The following TMEM108 variants were observed in gnomAD, a reference collection of about 807,000 sequenced individuals.
TMEM108 encodes cancer/testis antigen 124.
A neutral mutation model predicts 35.1 loss-of-function variants in TMEM108; 12 were observed. The ratio of observed to expected loss-of-function variants is 0.34; its 90% CI spans 0.22 to 0.55. TMEM108 has a LOEUF of 0.55. Among genes scored for constraint, TMEM108 ranks in the 20% least tolerant of loss-of-function variants. The pLI, the probability that TMEM108 is intolerant of heterozygous loss-of-function variation, is 0.89. For missense variants in TMEM108, 680 were observed against 753.3 expected (o/e 0.90, Z 1.14); for synonymous variants, 287 against 308.6 (o/e 0.93, Z 0.73).
At chr3:133,120,367 G>A (rs1252906129) in intron 2 of TMEM108, among the ~76,000 whole-genome samples, 1 of 152,186 alleles carries the variant, frequency 6.6e-6, no homozygotes, top group Non-Finnish European at 1.5e-5. Context: ...CAGACCTAGA[G>A]GTCAGAGGAA....
intron 3 of TMEM108, among the ~76,000 whole-genome samples, chr3:133,350,952 G>A (rs2071978832): frequency 6.6e-6 from 1 of 152,114 alleles, no homozygotes; most frequent in East Asian, 1.9e-4. Context: ...TGACATCCAG[G>A]ATTCCCTAAG....
intron 2 of TMEM108, among the ~76,000 whole-genome samples, chr3:133,111,305 G>C (rs1944221299): frequency 6.6e-6 from 1 of 152,118 alleles, no homozygotes; most frequent in Non-Finnish European, 1.5e-5. Flanking sequence ...TATTTGCCCA[G>C]GAAGTAAATG....
At chr3:133,098,652 A>G (rs752462770) in intron 2 of TMEM108, among the ~76,000 whole-genome samples, 8 of 152,220 alleles carry the variant, frequency 5.3e-5, no homozygotes, top group Non-Finnish European at 1.2e-4. Flanking sequence ...TTGGGTAAAT[A>G]TAGCCATTCC....
At chr3:133,118,181 A>C in intron 2 of TMEM108, among the ~76,000 whole-genome samples, 1 of 152,206 alleles carries the variant, frequency 6.6e-6, no homozygotes, top group East Asian at 1.9e-4. Context: ...GGACTGGCAG[A>C]GTACTTACTG....
At chr3:133,041,402 C>G (rs1943274755) in intron 1 of TMEM108, among the ~76,000 whole-genome samples, 2 of 152,222 alleles carry the variant, frequency 1.3e-5, no homozygotes, top group African/African-American at 4.8e-5. Flanking sequence ...GTTGTACCCT[C>G]CTTACCAGTA....
chr3:133,301,540 C>G (rs1437536773), intron 3 of TMEM108, among the ~76,000 whole-genome samples: 1 of 152,054 alleles, frequency 6.6e-6, no homozygotes, highest in East Asian at 1.9e-4. Flanking sequence ...ATTTGCAGAG[C>G]CTTTTGTGTT....
At chr3:133,205,126 C>T (rs1451562593) in intron 2 of TMEM108, among the ~76,000 whole-genome samples, 1 of 108,702 alleles carries the variant, frequency 9.2e-6, no homozygotes, top group Non-Finnish European at 1.8e-5. Flanking sequence ...ATTGCAACCC[C>T]TGCTGCTTTT....
intron 2 of TMEM108, among the ~76,000 whole-genome samples, chr3:133,081,221 A>C (rs1479820882): frequency 1.3e-5 from 2 of 152,204 alleles, no homozygotes; most frequent in Non-Finnish European, 2.9e-5. Flanking sequence ...GACAAGAGAA[A>C]TTTGTTTTCT....
rs923209176 is a variant in TMEM108 at position 133,287,912 on chromosome 3, A to T, written c.40+58561A>T. ...GAATGGAGAATTTTGCTGCTGTAGCATAAAAATCAAAGATATACTTTATGT... is the reference window on the plus strand; with the variant it reads ...GAATGGAGAATTTTGCTGCTGTAGCTTAAAAATCAAAGATATACTTTATGT... On this transcript the variant is annotated intron_variant, in intron 3 of 5. Transcript: ENST00000321871. 2.1e-4 allele frequency among the ~76,000 whole-genome samples: 32 copies of T among 152,234 alleles called. 1 individual carries two copies. Among genetic ancestry groups the T allele is most frequent in the Non-Finnish European group, 4.4e-5 (3 of 68,034 alleles).
chr3:133,307,658 G>A (rs1417455148), intron 3 of TMEM108, among the ~76,000 whole-genome samples: 1 of 152,030 alleles, frequency 6.6e-6, no homozygotes, highest in Non-Finnish European at 1.5e-5. Flanking sequence ...TTTTTGTCAG[G>A]TTTGTCAAAG....
intron 2 of TMEM108, among the ~76,000 whole-genome samples, chr3:133,127,703 G>A (rs1944435874): frequency 6.6e-6 from 1 of 152,120 alleles, no homozygotes; most frequent in Non-Finnish European, 1.5e-5. Context: ...TGTATTTCCT[G>A]GTTATAGGCC....
chr3:133,390,344 T>C lies in TMEM108; in HGVS notation c.1605+10T>C. On this transcript the variant is annotated intron_variant, in intron 5 of 5. Coordinates refer to ENST00000321871, the MANE Select transcript of TMEM108 (RefSeq NM_023943.4). Reference sequence around the variant, plus strand: ...CCTTGAAACCTCTGAGGTAATGAGCTTGAAAGTGCTGGCCCCACTGCAGGG... The same window carrying C: ...CCTTGAAACCTCTGAGGTAATGAGCCTGAAAGTGCTGGCCCCACTGCAGGG... The C allele has an allele frequency of 6.2e-7, 1 of 1,613,678 alleles. No homozygotes were observed.
chr3:133,328,898 G>T (rs1203521786), intron 3 of TMEM108, among the ~76,000 whole-genome samples: 14 of 152,124 alleles, frequency 9.2e-5, no homozygotes, highest in Admixed American at 9.2e-4. Flanking sequence ...GGAGGAAGAT[G>T]GTTAGAGGTA....
chr3:133,378,458 C>G (rs2072907588), intron 3 of TMEM108: 3 of 985,366 alleles, frequency 3.0e-6, no homozygotes, highest in Non-Finnish European at 3.6e-6. Flanking sequence ...TAGACGCAGA[C>G]AGAGATCTCT....
At chr3:133,109,955 T>C (rs190282676) in intron 2 of TMEM108, among the ~76,000 whole-genome samples, 10 of 152,286 alleles carry the variant, frequency 6.6e-5, no homozygotes, top group Admixed American at 6.5e-4. Flanking sequence ...CAGATTTTCT[T>C]TTTAGGATTG....
At chr3:133,057,336 AT>A (rs947848159) in intron 2 of TMEM108, among the ~76,000 whole-genome samples, 6 of 139,984 alleles carry the variant, frequency 4.3e-5, no homozygotes, top group African/African-American at 7.6e-5. Flanking sequence ...AAGACTTTAA[AT>A]TTTTTTTCTA....
chr3:133,392,475 T>C (rs939458827), intron 5 of TMEM108, among the ~76,000 whole-genome samples: 1 of 152,182 alleles, frequency 6.6e-6, no homozygotes, highest in Non-Finnish European at 1.5e-5. Context: ...TTCTATTCTC[T>C]TTCTACTTAG....
At chr3:133,068,830 A>C (rs1943642357) in intron 2 of TMEM108, among the ~76,000 whole-genome samples, 1 of 152,172 alleles carries the variant, frequency 6.6e-6, no homozygotes, top group Non-Finnish European at 1.5e-5. Flanking sequence ...ATGCCAAGTG[A>C]GCTGTACAAA....
intron 2 of TMEM108, among the ~76,000 whole-genome samples, chr3:133,170,177 GAAAT>G (rs1217867371): frequency 1.3e-5 from 2 of 152,100 alleles, no homozygotes; most frequent in African/African-American, 4.8e-5. Flanking sequence ...TTAAAAAAAA[GAAAT>G]AATTCCAAAC....
Sources: allele counts gnomAD v4.1 joint callset (sites outside exome capture counted in the v4.1 genomes callset), GRCh38; gene constraint gnomAD v4.1.1; transcripts MANE v1.5; gene names NCBI Gene and HGNC (gene_info 2026-07-23, HGNC 2026-07-21).